RASGRF2: variants seen among roughly 807,000 people sequenced by gnomAD.
RASGRF2 encodes Ras protein specific guanine nucleotide releasing factor 2, also known as ras-specific guanine nucleotide-releasing factor 2.
A neutral mutation model predicts 151.0 loss-of-function variants in RASGRF2; 76 were observed. The ratio of observed to expected loss-of-function variants is 0.50; its 90% CI spans 0.42 to 0.61. The LOEUF (loss-of-function observed/expected upper bound fraction) is 0.61, where lower values mean the gene tolerates loss of function less well. Among genes scored for constraint, RASGRF2 ranks in the 20% least tolerant of loss-of-function variants. The pLI is 0.00. For synonymous variants in RASGRF2, 504 were observed against 566.5 expected, an observed-to-expected ratio of 0.89 and a Z score of 1.57; for missense variants, 1,148 against 1,564.6, an observed-to-expected ratio of 0.73 and a Z score of 4.49.
chr5:80,998,933 C>T (rs1748986776), intron 1 of RASGRF2, among the ~76,000 whole-genome samples: 1 of 152,156 alleles, frequency 6.6e-6, no homozygotes, highest in East Asian at 1.9e-4. Context: ...CTTTTGGTAA[C>T]GGACTCTTGG....
rs1214941262 is a variant in RASGRF2 at position 81,053,678 on chromosome 5, C to T, written c.395+10695C>T. Among the ~76,000 whole-genome samples, 12 of 152,120 alleles carry T rather than the reference C, an allele frequency of 7.9e-5. 1 individual carries two copies. Among genetic ancestry groups the T allele is most frequent in the African/African-American group, 2.9e-4 (12 of 41,422 alleles). On this transcript the variant is annotated intron_variant, in intron 2 of 26. Transcript: ENST00000265080. ...ACTAGGTCAAATGGTATTTCTAGTT[C>T]TAGATCCCTGAGGAATCGCCACACT...
chr5:81,179,794 C>T (rs1431051778), intron 17 of RASGRF2, among the ~76,000 whole-genome samples: 1 of 152,144 alleles, frequency 6.6e-6, no homozygotes, highest in Non-Finnish European at 1.5e-5. Flanking sequence ...AAAATGTTAT[C>T]GGTTGTGCAG....
At chr5:81,176,921 A>G (rs1327215306) in intron 17 of RASGRF2, among the ~76,000 whole-genome samples, 1 of 152,068 alleles carries the variant, frequency 6.6e-6, no homozygotes, top group Non-Finnish European at 1.5e-5. Flanking sequence ...TTTTGCAGGT[A>G]GGATAAATTT....
At chr5:81,081,771 T>G (rs756522156) in intron 7 of RASGRF2, among the ~76,000 whole-genome samples, 19 of 152,204 alleles carry the variant, frequency 1.2e-4, no homozygotes, top group Non-Finnish European at 2.5e-4. Context: ...TCAGTCCTGC[T>G]CGAAATCCTG....
At chr5:80,970,962 C>T (rs911316678) in intron 1 of RASGRF2, among the ~76,000 whole-genome samples, 1 of 152,224 alleles carries the variant, frequency 6.6e-6, no homozygotes, top group Admixed American at 6.5e-5. Context: ...TTTCTGTCCT[C>T]TGGTCCTGCG....
At chr5:81,080,445 G>T in intron 6 of RASGRF2, 151 bp from the exon 7 acceptor site, 1 of 1,032,250 alleles carries the variant, frequency 9.7e-7, no homozygotes, top group Non-Finnish European at 1.4e-6. Flanking sequence ...GCCCATGAGT[G>T]CATTCTACCA....
In RASGRF2 at chr5:80,978,804, A is replaced by AG. The variant is rs200209761; in HGVS notation, c.288+17785dup. Among the ~76,000 whole-genome samples, 1,263 of 151,640 alleles carry AG rather than the reference A, an allele frequency of 8.3e-3. 13 individuals are homozygous for AG. Among genetic ancestry groups the AG allele is most frequent in the African/African-American group, 0.029 (1,205 of 41,236 alleles). On this transcript the variant is annotated intron_variant, in intron 1 of 26. Coordinates refer to ENST00000265080, the MANE Select transcript of RASGRF2 (RefSeq NM_006909.3). ...CTCCATCTCAAAAAAAGAAAAAAAA[A>AG]GGGGGGGAAACAAAACTGGGATCAT...
At chr5:81,060,922 C>G (rs907493627) in intron 2 of RASGRF2, among the ~76,000 whole-genome samples, 10 of 151,972 alleles carry the variant, frequency 6.6e-5, no homozygotes, top group Admixed American at 4.6e-4. Flanking sequence ...ATTAGAGTAC[C>G]TTTCTCTCTG....
At position 81,215,914 on chromosome 5, in the gene RASGRF2, C is replaced by T; in HGVS notation, c.3393C>T (p.Ser1131=). The change falls in exon 24 of 27, where the codon TCC becomes TCT. Residue 1131 remains serine (S), a synonymous_variant. Transcript: ENST00000265080. ...TGGACAAACTTCAAAAGACTGTTTC[C>T]TCTGAAGGAAGATTTAAAAATCTTA... ...ALMDKLQKTV[S]SEGRFKNLRE... The T allele has an allele frequency of 1.3e-6, 2 of 1,547,820 alleles. No homozygotes were observed. The highest frequency in any genetic ancestry group is 1.7e-6 in the Non-Finnish European group (2 of 1,156,030).
At chr5:81,097,375 C>T (rs1005345437) in intron 12 of RASGRF2, among the ~76,000 whole-genome samples, 2 of 152,074 alleles carry the variant, frequency 1.3e-5, no homozygotes, top group Non-Finnish European at 2.9e-5. Flanking sequence ...GTGATATATG[C>T]CTGGCACTGT....
chr5:81,147,274 T>TA, intron 17 of RASGRF2, among the ~76,000 whole-genome samples: 1 of 150,450 alleles, frequency 6.6e-6, no homozygotes, highest in East Asian at 1.9e-4. Flanking sequence ...TGGCAGCAGA[T>TA]TTTTTTTTTA....
At chr5:81,216,369 G>GCACA (rs1043898848) in intron 24 of RASGRF2, among the ~76,000 whole-genome samples, 1 of 144,150 alleles carries the variant, frequency 6.9e-6, no homozygotes, top group Non-Finnish European at 1.5e-5. Context: ...ACACACACAC[G>GCACA]CACACACACA....
intron 10 of RASGRF2, 137 bp from the exon 11 acceptor site, chr5:81,094,159 G>A: frequency 1.6e-6 from 1 of 627,332 alleles, no homozygotes; most frequent in Non-Finnish European, 2.7e-6. Context: ...TTAATTTTGG[G>A]CTCTATGAAA....
intron 1 of RASGRF2, among the ~76,000 whole-genome samples, chr5:81,033,427 A>G (rs1424086615): frequency 1.4e-5 from 2 of 141,058 alleles, no homozygotes; most frequent in East Asian, 4.1e-4. Flanking sequence ...CCAAAACAGC[A>G]TGGTACTGGT....
intron 17 of RASGRF2, 94 bp from the exon 18 acceptor site, chr5:81,180,081 T>A: frequency 2.8e-6 from 2 of 703,664 alleles, no homozygotes; most frequent in South Asian, 1.6e-5. Context: ...CATCTGTGAG[T>A]TTCGTTAACC....
At position 81,208,387 on chromosome 5, in the gene RASGRF2, T is replaced by A. The variant is rs1755557006; in HGVS notation, c.3105T>A (p.Asp1035Glu). 3 of 1,613,902 alleles carry A rather than the reference T, an allele frequency of 1.9e-6. No homozygotes were observed. In the South Asian group the frequency reaches 3.3e-5, roughly 18 times the overall value. ...EFLGQGWMKL[D>E]KNERTPYIMK... Reference sequence around the variant, plus strand: ...TTGGGCAGGGGTGGATGAAGCTGGATAAAAACGAAAGAACTCCTTACATTA... The same window carrying A: ...TTGGGCAGGGGTGGATGAAGCTGGAAAAAAACGAAAGAACTCCTTACATTA... Residue 1035 changes from aspartate to glutamate, a missense_variant, in exon 22 of 27, where the codon GAT becomes GAA. Physicochemically the swap from Asp to Glu is conservative, Grantham distance 45. Around this residue, in one of 5 missense-constraint regions of RASGRF2, gnomAD observed 646 missense variants for 807.4 expected, o/e 0.80. Transcript: ENST00000265080.
chr5:81,100,210 A>G (rs965817763), intron 12 of RASGRF2, among the ~76,000 whole-genome samples: 1 of 151,852 alleles, frequency 6.6e-6, no homozygotes, highest in Non-Finnish European at 1.5e-5. Context: ...CCCGGCCACT[A>G]TTTTTCTAAA....
chr5:81,122,042 A>C (rs1753326842), intron 15 of RASGRF2, among the ~76,000 whole-genome samples: 1 of 152,186 alleles, frequency 6.6e-6, no homozygotes, highest in African/African-American at 2.4e-5. Context: ...GTTTGCAAGG[A>C]GCCTGATCAA....
chr5:81,018,411 T>G (rs1382298627), intron 1 of RASGRF2, among the ~76,000 whole-genome samples: 3 of 152,188 alleles, frequency 2.0e-5, no homozygotes, highest in African/African-American at 7.2e-5. Flanking sequence ...AAGTCAGATT[T>G]AGAGTGAGTT....
Sources: gnomAD v4.1 joint callset for allele counts (sites outside exome capture counted in the v4.1 genomes callset) on GRCh38, gnomAD v4.1.1 for gene constraint, gnomAD v4.1.1 regional missense constraint, MANE v1.5 for transcripts, NCBI Gene and HGNC (gene_info 2026-07-23, HGNC 2026-07-21) for gene names.